Variants in LUZP2 observed in about 807,000 individuals in gnomAD.
LUZP2 encodes the protein leucine zipper protein 2.
Under a neutral mutation model 51.6 loss-of-function variants are expected in LUZP2, and 52 were observed. The observed-to-expected ratio is 1.01, with a 90% CI of 0.81 to 1.27. The LOEUF is 1.27. LUZP2 is among the 50% of genes most tolerant of loss of function. The pLI is 0.00. For missense variants in LUZP2, 436 were observed against 395.4 expected, an observed-to-expected ratio of 1.10 and a Z score of -0.87; for synonymous variants, 154 against 137.3, an observed-to-expected ratio of 1.12 and a Z score of -0.85.
chr11:24,893,970 C>A (rs1295892747), intron 5 of LUZP2, among the ~76,000 whole-genome samples: 1 of 151,978 alleles, frequency 6.6e-6, no homozygotes, highest in Non-Finnish European at 1.5e-5. Flanking sequence ...ATTGTACATT[C>A]TGTGTTTCAA....
intron 1 of LUZP2, among the ~76,000 whole-genome samples, chr11:24,543,304 A>G (rs1275373616): frequency 6.6e-6 from 1 of 152,062 alleles, no homozygotes; most frequent in Non-Finnish European, 1.5e-5. Context: ...ATGGGAGAAC[A>G]ACTGTAGAAT....
Position 25,082,635 on chromosome 11 carries a change from A to G in LUZP2, c.*3977A>G, listed in dbSNP as rs1451009957. 1 of 152,212 alleles carries G rather than the reference A, an allele frequency of 6.6e-6. No homozygotes were observed. Among genetic ancestry groups the G allele is most frequent in the Non-Finnish European group, 1.5e-5 (1 of 68,026 alleles). 9.4% of individuals were successfully genotyped at this position (152,212 alleles called of 1,614,324 possible). On this transcript the variant is annotated 3_prime_UTR_variant, in exon 12 of 12. Coordinates refer to ENST00000336930, the MANE Select transcript of LUZP2 (RefSeq NM_001009909.4). ...TTTTTGTTCAATAAAGATTGTTACA[A>G]GAATACAATGTATATTATCTTACAT... is the stretch of plus-strand genomic sequence containing the variant.
chr11:24,508,772 A>G (rs1288614069), intron 1 of LUZP2, among the ~76,000 whole-genome samples: 3 of 152,174 alleles, frequency 2.0e-5, no homozygotes, highest in African/African-American at 7.2e-5. Context: ...AAATTTGTCT[A>G]AGGTTACTTT....
At chr11:24,676,786 C>T (rs927354614) in intron 1 of LUZP2, among the ~76,000 whole-genome samples, 4 of 152,050 alleles carry the variant, frequency 2.6e-5, no homozygotes, top group Admixed American at 6.5e-5. Flanking sequence ...GCCTCAGCCT[C>T]CCAAGTAGCT....
chr11:25,070,073 G>A (rs1455316693), intron 10 of LUZP2, among the ~76,000 whole-genome samples: 4 of 151,994 alleles, frequency 2.6e-5, no homozygotes, highest in East Asian at 1.9e-4. Flanking sequence ...TAGGGATTGA[G>A]CTGAGTGAGG....
At chr11:24,805,613 T>G (rs2134125327) in intron 5 of LUZP2, among the ~76,000 whole-genome samples, 1 of 152,280 alleles carries the variant, frequency 6.6e-6, no homozygotes, top group East Asian at 1.9e-4. Context: ...TACTGGAAGT[T>G]TTCAGCCTGA....
At chr11:24,643,203 G>C (rs1855352831) in intron 1 of LUZP2, among the ~76,000 whole-genome samples, 1 of 136,542 alleles carries the variant, frequency 7.3e-6, no homozygotes, top group Admixed American at 7.9e-5. Context: ...GAGGTCAGGA[G>C]TTCAAGACCA....
intron 4 of LUZP2, among the ~76,000 whole-genome samples, chr11:24,758,039 C>G (rs563447123): frequency 2.0e-5 from 3 of 152,128 alleles, no homozygotes; most frequent in South Asian, 4.1e-4. Context: ...ATAAATAACT[C>G]TCATCTCGTT....
intron 4 of LUZP2, among the ~76,000 whole-genome samples, chr11:24,761,662 T>C (rs561905138): frequency 2.0e-5 from 3 of 152,294 alleles, no homozygotes; most frequent in South Asian, 2.1e-4. Flanking sequence ...TTTAGGGATA[T>C]GTCAGTTACA....
chr11:24,962,182 T>A (rs1384953046), intron 7 of LUZP2, among the ~76,000 whole-genome samples: 1 of 152,148 alleles, frequency 6.6e-6, no homozygotes, highest in Non-Finnish European at 1.5e-5. Flanking sequence ...CCCTTAACAT[T>A]TTTTCCTTCA....
At chr11:24,974,176 A>G (rs1408742977) in intron 7 of LUZP2, among the ~76,000 whole-genome samples, 1 of 151,978 alleles carries the variant, frequency 6.6e-6, no homozygotes, top group Non-Finnish European at 1.5e-5. Context: ...TGAAACTTTT[A>G]CCATTATGTA....
At chr11:25,066,515 C>T (rs372482832) in intron 10 of LUZP2, among the ~76,000 whole-genome samples, 22 of 152,006 alleles carry the variant, frequency 1.4e-4, no homozygotes, top group East Asian at 1.2e-3. Flanking sequence ...CAATGACATT[C>T]GCTAAGGGGC....
chr11:24,666,365 G>C (rs185830179), intron 1 of LUZP2, among the ~76,000 whole-genome samples: 5 of 152,072 alleles, frequency 3.3e-5, no homozygotes, highest in Non-Finnish European at 5.9e-5. Context: ...TTTAGTCATT[G>C]ATTTTATAAG....
chr11:24,602,171 TATATATGTGTATATATGTATATATGTAC>T (rs1565020604), intron 1 of LUZP2, among the ~76,000 whole-genome samples: 10 of 74,924 alleles, frequency 1.3e-4, no homozygotes, highest in East Asian at 4.7e-4. Context: ...TATATGTGTA[TATATATGTGTATATATGTATATATGTAC>T]ATATATGTGT....
chr11:24,920,367 G>T (rs1013064324), intron 7 of LUZP2, among the ~76,000 whole-genome samples: 8 of 151,998 alleles, frequency 5.3e-5, no homozygotes, highest in Admixed American at 5.3e-4. Context: ...CCTGTGTATT[G>T]TTAGTTTCTA....
At chr11:24,500,264 G>A (rs1325932470) in intron 1 of LUZP2, among the ~76,000 whole-genome samples, 1 of 152,118 alleles carries the variant, frequency 6.6e-6, no homozygotes, top group African/African-American at 2.4e-5. Flanking sequence ...AAAAAGAGCT[G>A]TTTAATGTCC....
At chr11:24,575,099 T>A (rs933771100) in intron 1 of LUZP2, among the ~76,000 whole-genome samples, 4 of 152,152 alleles carry the variant, frequency 2.6e-5, no homozygotes, top group Admixed American at 2.0e-4. Flanking sequence ...CTTACCTTTT[T>A]AAGCTTCGAC....
chr11:24,982,316 C>G (rs1378999087), intron 8 of LUZP2, among the ~76,000 whole-genome samples: 1 of 151,856 alleles, frequency 6.6e-6, no homozygotes, highest in East Asian at 1.9e-4. Flanking sequence ...TGTGAGTGAT[C>G]ATTGCAGCAC....
chr11:24,737,456 C>T (rs1378566455), intron 3 of LUZP2, among the ~76,000 whole-genome samples: 3 of 150,984 alleles, frequency 2.0e-5, no homozygotes, highest in Non-Finnish European at 4.4e-5. Flanking sequence ...AACAAGTACA[C>T]TAGCCTTTAT....
Sources: allele counts gnomAD v4.1 joint callset (sites outside exome capture counted in the v4.1 genomes callset), GRCh38; gene constraint gnomAD v4.1.1; transcripts MANE v1.5; gene names NCBI Gene and HGNC (gene_info 2026-07-23, HGNC 2026-07-21).